The following C1orf105 variants were observed in gnomAD, a reference collection of about 807,000 sequenced individuals.
C1orf105 encodes uncharacterized protein C1orf105.
C1orf105 carries 17 observed loss-of-function variants against 20.8 expected under a neutral mutation model. The ratio of observed to expected loss-of-function variants is 0.82; its 90% CI spans 0.56 to 1.23. The LOEUF is 1.23. C1orf105 is among the 50% of genes most tolerant of loss of function. The pLI is 0.00. For missense variants in C1orf105, 219 were observed against 213.5 expected (o/e 1.03, Z -0.16); for synonymous variants, 72 against 72.1 (o/e 1.00, Z 0.01).
intron 1 of C1orf105, among the ~76,000 whole-genome samples, chr1:172,434,861 T>A (rs1183588708): frequency 3.6e-5 from 5 of 137,906 alleles, no homozygotes; most frequent in Middle Eastern, 3.5e-3. Flanking sequence ...GCAAGACTAA[T>A]AAAGAAGAAA....
At chr1:172,434,602 C>T (rs888609349) in intron 1 of C1orf105, among the ~76,000 whole-genome samples, 2 of 152,206 alleles carry the variant, frequency 1.3e-5, no homozygotes, top group African/African-American at 4.8e-5. Context: ...GCATTTAAAG[C>T]AGTGTGTAGA....
chr1:172,453,139 A>G, intron 3 of C1orf105: 3 of 1,551,028 alleles, frequency 1.9e-6, no homozygotes, highest in South Asian at 1.2e-5. Context: ...TCCAGATAGA[A>G]ATGGAGCAGC....
At chr1:172,445,611 C>A (rs1333604250) in intron 2 of C1orf105, among the ~76,000 whole-genome samples, 1 of 152,224 alleles carries the variant, frequency 6.6e-6, no homozygotes, top group African/African-American at 2.4e-5. Flanking sequence ...TCCAAACAAA[C>A]TACTATATGA....
At chr1:172,443,016 T>C (rs1208422174) in intron 1 of C1orf105, 1 of 186,296 alleles carries the variant, frequency 5.4e-6, no homozygotes, top group East Asian at 1.5e-4. Context: ...TAGACATCTG[T>C]TAGCTATCGC....
intron 1 of C1orf105, among the ~76,000 whole-genome samples, chr1:172,430,919 T>A (rs1364754370): frequency 6.6e-6 from 1 of 152,214 alleles, no homozygotes. Flanking sequence ...ATCAGTGATC[T>A]TTGATGTTAC....
chr1:172,468,793 T>C lies in C1orf105; in HGVS notation c.*199T>C. 2.2e-6 allele frequency: 1 copy of C among 455,832 alleles called. No homozygotes were observed. Among genetic ancestry groups the C allele is most frequent in the Non-Finnish European group, 3.9e-6 (1 of 258,350 alleles). The allele number at this position is 455,832 out of a possible 1,614,324, so 28.2% of individuals were successfully genotyped here. A position where few individuals can be genotyped will look rare whatever the true frequency, so the allele number is the denominator to read the frequency against. ...GTCTCCTAAAGACAAAATTGTTTAA[T>C]TTACATGATTATAAAGATCTGTTTA... On this transcript the variant is annotated 3_prime_UTR_variant, in exon 7 of 7. Coordinates refer to ENST00000367727, the MANE Select transcript of C1orf105 (RefSeq NM_139240.4).
intron 5 of C1orf105, among the ~76,000 whole-genome samples, chr1:172,463,379 G>C (rs1364423020): frequency 6.6e-6 from 1 of 152,174 alleles, no homozygotes; most frequent in East Asian, 1.9e-4. Flanking sequence ...TACATGTCCT[G>C]ATTCCTTTTA....
At chr1:172,433,004 A>T (rs1430335545) in intron 1 of C1orf105, among the ~76,000 whole-genome samples, 2 of 152,260 alleles carry the variant, frequency 1.3e-5, no homozygotes, top group African/African-American at 4.8e-5. Flanking sequence ...GATCAAGTGG[A>T]AGAAAAGGTA....
intron 1 of C1orf105, chr1:172,442,492 C>T (rs1392869454): frequency 1.7e-5 from 28 of 1,614,052 alleles, no homozygotes; most frequent in Middle Eastern, 1.6e-4. Flanking sequence ...TTGGTATTTC[C>T]GAGCATGGAT....
intron 1 of C1orf105, chr1:172,442,718 T>C (rs1647462731): frequency 9.5e-7 from 1 of 1,049,640 alleles, no homozygotes; most frequent in Non-Finnish European, 1.4e-6. Flanking sequence ...GAGACCTCCC[T>C]GGAAATTCCA....
At chr1:172,431,982 T>C (rs144377136) in intron 1 of C1orf105, among the ~76,000 whole-genome samples, 1 of 152,252 alleles carries the variant, frequency 6.6e-6, no homozygotes, top group Non-Finnish European at 1.5e-5. Context: ...GGGGCCTTGC[T>C]CACTGTAGCA....
At chr1:172,429,223 TACACAC>T (rs3838965) in intron 1 of C1orf105, among the ~76,000 whole-genome samples, 8,476 of 151,002 alleles carry the variant, frequency 0.056, 436 homozygotes, top group African/African-American at 0.13. Flanking sequence ...AATACAAATA[TACACAC>T]ACACACACAC....
At chr1:172,434,071 G>A (rs1403785896) in intron 1 of C1orf105, among the ~76,000 whole-genome samples, 1 of 152,152 alleles carries the variant, frequency 6.6e-6, no homozygotes, top group African/African-American at 2.4e-5. Flanking sequence ...AAATATATAT[G>A]CACCCAATAA....
intron 1 of C1orf105, chr1:172,442,069 G>C (rs752801400): frequency 8.7e-6 from 14 of 1,614,064 alleles, no homozygotes; most frequent in Non-Finnish European, 1.2e-5. Context: ...GCATACAGAA[G>C]CAAAGATGGC....
chr1:172,455,870 T>C (rs1164707372), intron 3 of C1orf105, among the ~76,000 whole-genome samples: 2 of 152,030 alleles, frequency 1.3e-5, no homozygotes, highest in African/African-American at 2.4e-5. Context: ...TGCTGGACCA[T>C]GGATGCATGA....
intron 4 of C1orf105, among the ~76,000 whole-genome samples, chr1:172,459,134 C>T (rs1649516495): frequency 6.6e-6 from 1 of 152,006 alleles, no homozygotes; most frequent in Non-Finnish European, 1.5e-5. Flanking sequence ...TTGGATAAGG[C>T]AATGGTTTCT....
chr1:172,428,287 C>T (rs1249909914), intron 1 of C1orf105, among the ~76,000 whole-genome samples: 1 of 152,194 alleles, frequency 6.6e-6, no homozygotes, highest in Non-Finnish European at 1.5e-5. Context: ...AATGCTTCTT[C>T]CTGTGTCTAC....
At chr1:172,450,284 A>G (rs1648471654) in intron 3 of C1orf105, among the ~76,000 whole-genome samples, 1 of 152,202 alleles carries the variant, frequency 6.6e-6, no homozygotes, top group African/African-American at 2.4e-5. Context: ...CACATGAGAA[A>G]GAGTCACCCC....
At chr1:172,460,617 G>A (rs896454461) in intron 4 of C1orf105, among the ~76,000 whole-genome samples, 1 of 135,012 alleles carries the variant, frequency 7.4e-6, no homozygotes, top group Non-Finnish European at 1.7e-5. Flanking sequence ...AACAAATATT[G>A]ATTGATTGTC....
Sources: gnomAD v4.1 joint callset for allele counts (sites outside exome capture counted in the v4.1 genomes callset) on GRCh38, gnomAD v4.1.1 for gene constraint, MANE v1.5 for transcripts, NCBI Gene and HGNC (gene_info 2026-07-23, HGNC 2026-07-21) for gene names.